The following EPN1 variants were observed in gnomAD, a reference collection of about 807,000 sequenced individuals.
The protein encoded by EPN1 is epsin-1.
A neutral mutation model predicts 56.9 loss-of-function variants in EPN1; 25 were observed. The observed-to-expected ratio is 0.44, with a 90% confidence interval of 0.32 to 0.61. The LOEUF (loss-of-function observed/expected upper bound fraction) is 0.61. Among genes scored for constraint, EPN1 ranks in the 20% least tolerant of loss-of-function variants. The pLI is 0.05. For synonymous variants in EPN1, 411 were observed against 361.8 expected (o/e 1.14, Z -1.54); for missense variants, 785 against 823.7 (o/e 0.95, Z 0.58).
In EPN1 at chr19:55,689,732, C is replaced by T; in HGVS notation, c.679-135C>T. On this transcript the variant is annotated intron_variant, in intron 5 of 10. Transcript: ENST00000270460. The surrounding 1 kb of genome is among the most constrained non-coding windows in gnomAD (Gnocchi z 5.7). ...CCAGGTGCCCCATCCCCATTTCATA[C>T]ATTGTCCGCATCCCATCGAATCCTT... 2.4e-6 allele frequency: 2 copies of T among 817,994 alleles called. No homozygotes were observed. Among genetic ancestry groups the T allele is most frequent in the Non-Finnish European group, 4.0e-6 (2 of 494,960 alleles). 50.7% of individuals were successfully genotyped at this position (817,994 alleles called of 1,614,324 possible). A position where few individuals can be genotyped will look rare whatever the true frequency, so the allele number is the denominator to read the frequency against.
In EPN1 at chr19:55,683,392, C is replaced by T. The variant is rs548329874; in HGVS notation, c.229-2004C>T. Among the ~76,000 whole-genome samples the T allele has an allele frequency of 3.3e-5, 5 of 152,250 alleles. No homozygotes were observed. In the South Asian group the frequency reaches 6.2e-4, roughly 19 times the overall value. Reference sequence around the variant, plus strand: ...TTTTAAATGGAGTCTCACTCTGTCTCCCAGGCTGGAGTACAGTGGCGTGCT... The same window carrying T: ...TTTTAAATGGAGTCTCACTCTGTCTTCCAGGCTGGAGTACAGTGGCGTGCT... On this transcript the variant is annotated intron_variant, in intron 2 of 10. Transcript: ENST00000270460.
rs1270094674 is a variant in EPN1 at position 55,695,233 on chromosome 19, T to C, written c.1608T>C (p.Ser536=). 1 of 1,612,946 alleles carries C rather than the reference T, an allele frequency of 6.2e-7. No individual in the cohort carries two copies. Among genetic ancestry groups the C allele is most frequent in the Non-Finnish European group, 8.5e-7 (1 of 1,179,760 alleles). ...TCACCCTGAACCAGCTCCGTCTCAGTCCTGTGCCTCCCGTCCCTGGAGCGC... is the reference window on the plus strand; with the variant it reads ...TCACCCTGAACCAGCTCCGTCTCAGCCCTGTGCCTCCCGTCCCTGGAGCGC... ...ATLTLNQLRL[S]PVPPVPGAPP... The change falls in exon 11 of 11, where the codon AGT becomes AGC. Residue 536 remains serine (S), a synonymous_variant. Coordinates refer to ENST00000270460, the MANE Select transcript of EPN1 (RefSeq NM_001130072.2). The surrounding 1 kb of genome is among the most constrained non-coding windows in gnomAD (Gnocchi z 4.4).
At chr19:55,692,854 G>A (rs1251766655) in intron 8 of EPN1, 58 bp downstream of exon 8, 1 of 1,586,756 alleles carries the variant, frequency 6.3e-7, no homozygotes, top group Non-Finnish European at 8.6e-7. Context: ...AGAAGTTAGT[G>A]TTGAGTGTCC....
In EPN1 at chr19:55,689,035, C is replaced by T. The variant is rs1471227477; in HGVS notation, c.603+41C>T. 1.3e-6 allele frequency: 2 copies of T among 1,547,862 alleles called. No individual in the cohort carries two copies. The highest frequency in any genetic ancestry group is 1.7e-6 in the Non-Finnish European group (2 of 1,150,418). ...CTGGGGCTGTCTGTCCGCCACCCGCCTCCACGCCTCACTTCAGGCTCCCTC... is the reference window on the plus strand; with the variant it reads ...CTGGGGCTGTCTGTCCGCCACCCGCTTCCACGCCTCACTTCAGGCTCCCTC... On this transcript the variant is annotated intron_variant, in intron 4 of 10. Coordinates refer to ENST00000270460, the MANE Select transcript of EPN1 (RefSeq NM_001130072.2). The surrounding 1 kb of genome is among the most constrained non-coding windows in gnomAD (Gnocchi z 5.7).
Position 55,693,018 on chromosome 19 carries a change from G to C in EPN1, c.1245G>C (p.Pro415=), listed in dbSNP as rs747408054. The C allele has an allele frequency of 3.1e-6, 5 of 1,612,988 alleles. No homozygotes were observed. Among genetic ancestry groups the C allele is most frequent in the Admixed American group, 1.7e-5 (1 of 59,974 alleles). Residue 415 remains proline (P), a synonymous_variant, in exon 9 of 11, where the codon CCG becomes CCC. Transcript: ENST00000270460. Reference sequence around the variant, plus strand: ...TTGACCGACTCCGCACGGCACTGCCGACCTCCGGGAGCAGCGCAGGTGAGC... The same window carrying C: ...TTGACCGACTCCGCACGGCACTGCCCACCTCCGGGAGCAGCGCAGGTGAGC... The part of the protein sequence containing the change: ...SDFDRLRTAL[P]TSGSSAGELE...
Position 55,695,030 on chromosome 19 carries a change from C to A in EPN1, c.1522+47C>A. 6.4e-7 allele frequency: 1 copy of A among 1,568,394 alleles called. No individual in the cohort carries two copies. Among genetic ancestry groups the A allele is most frequent in the Non-Finnish European group, 8.6e-7 (1 of 1,157,610 alleles). On this transcript the variant is annotated intron_variant, in intron 10 of 10. Transcript: ENST00000270460. The surrounding 1 kb of genome is among the most constrained non-coding windows in gnomAD (Gnocchi z 4.4). ...GCTCAAGTCCTTCCTGTGGGTTCCA[C>A]CAGAGGAGGTGCCTCACGGGGCAGG...
chr19:55,676,383 C>T (rs1261198241), intron 1 of EPN1, among the ~76,000 whole-genome samples: 1 of 152,216 alleles, frequency 6.6e-6, no homozygotes, highest in African/African-American at 2.4e-5. Flanking sequence ...CAGTCTCATT[C>T]TAAGCAGTAT....
chr19:55,678,943 A>T (rs1218280042), intron 2 of EPN1, 88 bp downstream of exon 2: 1 of 882,222 alleles, frequency 1.1e-6, no homozygotes, highest in Non-Finnish European at 1.8e-6. Flanking sequence ...CTGGGATGGC[A>T]TCCCGGTTCT....
Position 55,702,426 on chromosome 19 carries a change from T to G in EPN1, c.*7070T>G, listed in dbSNP as rs1987186613. ...CACGCGCTTCCAGCTTCCCTTAGTG[T>G]GCCTAAAGAAAGGGAAAGGAATGTG... On this transcript the variant is annotated 3_prime_UTR_variant, in exon 11 of 11. Transcript: ENST00000270460. 2.0e-5 allele frequency: 3 copies of G among 152,196 alleles called. No individual in the cohort carries two copies. The highest frequency in any genetic ancestry group is 7.2e-5 in the African/African-American group (3 of 41,438). 9.4% of individuals were successfully genotyped at this position (152,196 alleles called of 1,614,324 possible).
Position 55,695,008 on chromosome 19 carries a change from C to T in EPN1, c.1522+25C>T. 1 of 1,559,374 alleles carries T rather than the reference C, an allele frequency of 6.4e-7. No individual in the cohort carries two copies. The highest frequency in any genetic ancestry group is 2.4e-5 in the East Asian group (1 of 41,704). ...GGTGAGTGTGGGCCCATCACCTGCT[C>T]AAGTCCTTCCTGTGGGTTCCACCAG... On this transcript the variant is annotated intron_variant, in intron 10 of 10. Transcript: ENST00000270460. This position sits in a 1 kb window ranked among gnomAD's most constrained non-coding sequence, Gnocchi z 4.4.
Position 55,698,598 on chromosome 19 carries a change from C to T in EPN1, c.*3242C>T, listed in dbSNP as rs74527689. The T allele has an allele frequency of 0.024, 3,634 of 152,580 alleles. 48 individuals are homozygous for T. The highest frequency in any genetic ancestry group is 0.03 in the African/African-American group (1,234 of 41,570). The allele number at this position is 152,580 out of a possible 1,614,324, so 9.5% of individuals were successfully genotyped here. A position where few individuals can be genotyped will look rare whatever the true frequency, so the allele number is the denominator to read the frequency against. ...CGCTCCTCGCCCTACGCTTGCCCCT[C>T]GCTCTGGAGCTGCGATGCCAGCCTC... On this transcript the variant is annotated 3_prime_UTR_variant, in exon 11 of 11. Coordinates refer to ENST00000270460, the MANE Select transcript of EPN1 (RefSeq NM_001130072.2).
chr19:55,684,821 A>G (rs1443288455), intron 2 of EPN1, among the ~76,000 whole-genome samples: 2 of 149,254 alleles, frequency 1.3e-5, no homozygotes, highest in East Asian at 3.9e-4. Flanking sequence ...AGAAATAGAC[A>G]GGGCTCCAGG....
intron 3 of EPN1, among the ~76,000 whole-genome samples, chr19:55,688,178 G>T (rs1879608366): frequency 1.3e-5 from 2 of 152,178 alleles, no homozygotes; most frequent in South Asian, 4.1e-4. Flanking sequence ...GTGGAGGGGG[G>T]CAAGGGTCCA....
At chr19:55,677,924 G>A (rs1333147684) in intron 1 of EPN1, among the ~76,000 whole-genome samples, 1 of 152,356 alleles carries the variant, frequency 6.6e-6, no homozygotes, top group East Asian at 1.9e-4. Context: ...GCTGGGAAAA[G>A]CCACATGCAG....
rs1416209793 is a variant in EPN1, at chr19:55,677,062, C to T, written c.-101-1465C>T. ...TGTCTTCAGGTGCCTGGCTTTCTGG[C>T]CTGAGGTGGAAGCAGAGGCCAGCCT... is the stretch of plus-strand genomic sequence containing the variant. On this transcript the variant is annotated intron_variant, in intron 1 of 10. Coordinates refer to ENST00000270460, the MANE Select transcript of EPN1 (RefSeq NM_001130072.2). The T allele has an allele frequency of 3.3e-6, 5 of 1,513,240 alleles. No homozygotes were observed. The Admixed American group carries it at 1.0e-4, about 31-fold the overall frequency. 93.7% of individuals were successfully genotyped at this position (1,513,240 alleles called of 1,614,324 possible). A position where few individuals can be genotyped will look rare whatever the true frequency, so the allele number is the denominator to read the frequency against.
rs752789105 is a variant in EPN1 at position 55,693,054 on chromosome 19, C to T, written c.1264+17C>T. On this transcript the variant is annotated intron_variant, in intron 9 of 10. Coordinates refer to ENST00000270460, the MANE Select transcript of EPN1 (RefSeq NM_001130072.2). ...GCAGCGCAGGTGAGCCCCTGCCCTC[C>T]CCTGCCCAGTGGCGAGAGGGAGCCT... The T allele has an allele frequency of 6.2e-7, 1 of 1,607,588 alleles. No individual in the cohort carries two copies. The highest frequency in any genetic ancestry group is 2.2e-5 in the East Asian group (1 of 44,708).
Position 55,695,431 on chromosome 19 carries a change from A to G in EPN1, c.*75A>G. 3 of 794,664 alleles carry G rather than the reference A, an allele frequency of 3.8e-6. No homozygotes were observed. The highest frequency in any genetic ancestry group is 6.0e-6 in the Non-Finnish European group (3 of 503,452). The allele number at this position is 794,664 out of a possible 1,614,324, so 49.2% of individuals were successfully genotyped here. ...CCTGGGAGATCAGTGTTGTGAGTGC[A>G]TGTGAAATGGGGGATCCCCACCCCC... On this transcript the variant is annotated 3_prime_UTR_variant, in exon 11 of 11. Coordinates refer to ENST00000270460, the MANE Select transcript of EPN1 (RefSeq NM_001130072.2). This position sits in a 1 kb window ranked among gnomAD's most constrained non-coding sequence, Gnocchi z 4.4.
At chr19:55,692,085 C>T in intron 7 of EPN1, 28 bp downstream of exon 7, 1 of 1,405,992 alleles carries the variant, frequency 7.1e-7, no homozygotes. Flanking sequence ...TTGCATGCAG[C>T]CCCTACGCCT....
At chr19:55,678,224 C>T (rs1455042148) in intron 1 of EPN1, among the ~76,000 whole-genome samples, 3 of 152,180 alleles carry the variant, frequency 2.0e-5, no homozygotes, top group African/African-American at 7.2e-5. Context: ...CCCCATTTGA[C>T]AGAAGAGAAA....
Sources: gnomAD v4.1 joint callset for allele counts (sites outside exome capture counted in the v4.1 genomes callset) on GRCh38, gnomAD v4.1.1 for gene constraint, Gnocchi (gnomAD v3.1) non-coding constraint, MANE v1.5 for transcripts, NCBI Gene and HGNC (gene_info 2026-07-23, HGNC 2026-07-21) for gene names.